Variants in PRRG1 observed in about 807,000 individuals in gnomAD.
The protein encoded by PRRG1 is transmembrane gamma-carboxyglutamic acid protein 1.
Under a neutral mutation model 11.8 loss-of-function variants are expected in PRRG1, and 5 were observed. That is an observed-to-expected ratio of 0.42 (90% CI 0.22 to 0.89). The LOEUF (loss-of-function observed/expected upper bound fraction) is 0.89. Ranked by LOEUF, PRRG1 falls within the 40% of genes least tolerant of loss-of-function variation. PRRG1 has a pLI of 0.28. For synonymous variants in PRRG1, 66 were observed against 60.4 expected, an observed-to-expected ratio of 1.09 and a Z score of -0.43; for missense variants, 155 against 166.1, an observed-to-expected ratio of 0.93 and a Z score of 0.37.
chrX:37,356,639 A>G (rs782358660), intron 1 of PRRG1, among the ~76,000 whole-genome samples: 1 of 111,241 alleles, frequency 9.0e-6, no homozygotes, highest in African/African-American at 3.3e-5. Flanking sequence ...TACTCCAGGT[A>G]GAATTCATGG....
chrX:37,392,151 A>C (rs1931560183), intron 1 of PRRG1, among the ~76,000 whole-genome samples: 1 of 111,903 alleles, frequency 8.9e-6, no homozygotes, highest in Admixed American at 9.5e-5. Flanking sequence ...GTATTTTATG[A>C]TACATGAAAA....
chrX:37,453,398 C>G lies in PRRG1; in HGVS notation c.434C>G (p.Ser145Cys), dbSNP rs1569450868. 8.3e-7 allele frequency: 1 copy of G among 1,203,724 alleles called. No individual in the cohort carries two copies. The highest frequency in any genetic ancestry group is 1.1e-6 in the Non-Finnish European group (1 of 891,228). The change falls in exon 4 of 4, where the codon TCT (serine) becomes TGT (cysteine). Residue 145 changes from serine to cysteine, a missense_variant. Coordinates refer to ENST00000378628, the MANE Select transcript of PRRG1 (RefSeq NM_001142395.2). The stretch of plus-strand genomic sequence containing the variant: ...GAAGTGTTTGACAGCAGTGGATTGT[C>G]TCCAGGCTTTCTGGGATATGTAGTT... ...PDEVFDSSGLSPGFLGYVVGR... is the reference protein window; with the variant it reads ...PDEVFDSSGLCPGFLGYVVGR...
intron 2 of PRRG1, among the ~76,000 whole-genome samples, chrX:37,416,527 C>T (rs112129266): frequency 4.5e-5 from 5 of 111,565 alleles, no homozygotes; most frequent in African/African-American, 1.3e-4. Flanking sequence ...TTGTAACAAC[C>T]GCAAACATCA....
chrX:37,373,063 C>G lies in PRRG1; in HGVS notation c.-42+23668C>G, dbSNP rs936653396. 3.6e-5 allele frequency among the ~76,000 whole-genome samples: 4 copies of G among 112,006 alleles called. No individual in the cohort carries two copies. The Admixed American group carries it at 3.8e-4, about 11-fold the overall frequency. ...TTTATTGAAGAGACTCTCCTTTTCC[C>G]ATTATGTGTTCTTGGCCCCTTTTTG... On this transcript the variant is annotated intron_variant, in intron 1 of 3. Transcript: ENST00000378628.
At chrX:37,405,157 A>G (rs782519503) in intron 1 of PRRG1, among the ~76,000 whole-genome samples, 145 of 112,028 alleles carry the variant, frequency 1.3e-3, no homozygotes, top group Non-Finnish European at 2.1e-3. Flanking sequence ...ATCTGGTACT[A>G]GTTTCTGCCC....
At chrX:37,436,562 G>C (rs1161561947) in intron 3 of PRRG1, among the ~76,000 whole-genome samples, 2 of 112,046 alleles carry the variant, frequency 1.8e-5, no homozygotes, top group Non-Finnish European at 3.8e-5. Context: ...TCTAAAAATT[G>C]ATCACTAGGT....
intron 1 of PRRG1, among the ~76,000 whole-genome samples, chrX:37,394,869 T>A (rs1299241832): frequency 9.0e-6 from 1 of 111,181 alleles, no homozygotes; most frequent in African/African-American, 3.3e-5. Context: ...CTTAAAACAT[T>A]CAGCTTACAA....
At chrX:37,371,776 GCA>G (rs1556370864) in intron 1 of PRRG1, among the ~76,000 whole-genome samples, 1 of 113,305 alleles carries the variant, frequency 8.8e-6, no homozygotes, top group Non-Finnish European at 1.9e-5. Context: ...GCCTGGCTAT[GCA>G]CAGAGGCTGG....
chrX:37,405,617 G>A (rs1215137396), intron 1 of PRRG1, among the ~76,000 whole-genome samples: 1 of 110,356 alleles, frequency 9.1e-6, no homozygotes, highest in Non-Finnish European at 1.9e-5. Flanking sequence ...TAATTGCAGT[G>A]TATGTTTTTT....
In PRRG1 at chrX:37,455,563, A is replaced by G. The variant is rs911684708; in HGVS notation, c.*1942A>G. On this transcript the variant is annotated 3_prime_UTR_variant, in exon 4 of 4. Transcript: ENST00000378628. ...GAAACTGTGCCAACTGAAAGATGAT[A>G]GTCCACACAGCACAAACAGGTTTAA... 1 of 112,274 alleles carries G rather than the reference A, an allele frequency of 8.9e-6. No individual in the cohort carries two copies. The highest frequency in any genetic ancestry group is 1.9e-5 in the Non-Finnish European group (1 of 53,308). The allele number at this position is 112,274 out of a possible 1,213,427, so 9.3% of individuals were successfully genotyped here.
At chrX:37,388,163 G>A (rs1931396675) in intron 1 of PRRG1, among the ~76,000 whole-genome samples, 1 of 112,045 alleles carries the variant, frequency 8.9e-6, no homozygotes, top group South Asian at 3.7e-4. Flanking sequence ...GGCTTTGCAG[G>A]GTTCAGCACC....
At chrX:37,437,181 G>A (rs1021008511) in intron 3 of PRRG1, among the ~76,000 whole-genome samples, 1 of 111,465 alleles carries the variant, frequency 9.0e-6, no homozygotes, top group Admixed American at 9.5e-5. Context: ...TGGCAGTTGG[G>A]CCCATTTGTA....
chrX:37,357,578 A>G (rs782395521), intron 1 of PRRG1, among the ~76,000 whole-genome samples: 2 of 112,111 alleles, frequency 1.8e-5, no homozygotes, highest in East Asian at 2.8e-4. Context: ...TTTTGACATG[A>G]TGAAATCTCG....
At chrX:37,413,981 G>A (rs1344697928) in intron 2 of PRRG1, among the ~76,000 whole-genome samples, 2 of 111,693 alleles carry the variant, frequency 1.8e-5, no homozygotes, top group Non-Finnish European at 3.8e-5. Flanking sequence ...ATACCATATA[G>A]CCTAGGTGTA....
At chrX:37,418,562 G>T (rs1189750727) in intron 2 of PRRG1, among the ~76,000 whole-genome samples, 1 of 112,051 alleles carries the variant, frequency 8.9e-6, no homozygotes, top group Non-Finnish European at 1.9e-5. Context: ...TGATTTAAAA[G>T]ATTTTTAAAA....
chrX:37,393,374 C>A (rs1178982095), intron 1 of PRRG1, among the ~76,000 whole-genome samples: 1 of 107,603 alleles, frequency 9.3e-6, no homozygotes, highest in Non-Finnish European at 1.9e-5. Flanking sequence ...ATATCTATAC[C>A]TCAAGCTTTT....
intron 1 of PRRG1, among the ~76,000 whole-genome samples, chrX:37,401,401 A>G (rs1247371688): frequency 9.0e-6 from 1 of 111,508 alleles, no homozygotes; most frequent in Admixed American, 9.5e-5. Flanking sequence ...TTATCTCAAT[A>G]GATGCAGAAA....
chrX:37,451,096 G>A (rs1374483684), intron 3 of PRRG1, among the ~76,000 whole-genome samples: 3 of 111,805 alleles, frequency 2.7e-5, no homozygotes, highest in South Asian at 3.7e-4. Context: ...CGGCTCACCC[G>A]CAACCTCCGC....
At chrX:37,366,018 T>C (rs138226324) in intron 1 of PRRG1, among the ~76,000 whole-genome samples, 2,186 of 112,537 alleles carry the variant, frequency 0.019, 53 homozygotes, top group African/African-American at 0.067. Flanking sequence ...TTTTAACTAA[T>C]TCAAGTCTCA....
Sources: allele counts gnomAD v4.1 joint callset (sites outside exome capture counted in the v4.1 genomes callset), GRCh38; gene constraint gnomAD v4.1.1; transcripts MANE v1.5; gene names NCBI Gene and HGNC (gene_info 2026-07-23, HGNC 2026-07-21).